Variants in CFAP221 observed in about 807,000 individuals in gnomAD.
CFAP221 encodes cilia and flagella associated protein 221.
Under a neutral mutation model 113.1 loss-of-function variants are expected in CFAP221, and 97 were observed. That is an observed-to-expected ratio of 0.86 (90% CI 0.73 to 1.02). The LOEUF (loss-of-function observed/expected upper bound fraction) is 1.02, where lower values mean the gene tolerates loss of function less well. Among genes scored for constraint, CFAP221 ranks in the 50% least tolerant of loss-of-function variants. CFAP221 has a pLI of 0.00. For synonymous variants in CFAP221, 331 were observed against 354.4 expected (o/e 0.93, Z 0.74); for missense variants, 1,025 against 1,013.4 (o/e 1.01, Z -0.16).
chr2:119,587,039 G>C (rs1683270403), intron 6 of CFAP221, 80 bp from the exon 7 acceptor site: 1 of 1,027,240 alleles, frequency 9.7e-7, no homozygotes, highest in Non-Finnish European at 1.4e-6. Flanking sequence ...TACGTAACTT[G>C]AGTCTCCATT....
At chr2:119,592,919 C>G (rs1045310517) in intron 7 of CFAP221, among the ~76,000 whole-genome samples, 8 of 152,212 alleles carry the variant, frequency 5.3e-5, no homozygotes, top group African/African-American at 1.9e-4. Flanking sequence ...TGAGGTTAAG[C>G]AGTTCACCAG....
At chr2:119,635,651 A>G (rs1687067709) in intron 19 of CFAP221, among the ~76,000 whole-genome samples, 1 of 152,244 alleles carries the variant, frequency 6.6e-6, no homozygotes, top group Non-Finnish European at 1.5e-5. Flanking sequence ...ATATCAAACT[A>G]TGTAATTTAA....
At chr2:119,562,632 A>G (rs1260599591) in intron 6 of CFAP221, among the ~76,000 whole-genome samples, 4 of 152,206 alleles carry the variant, frequency 2.6e-5, no homozygotes, top group Non-Finnish European at 5.9e-5. Flanking sequence ...GGCAAAGACA[A>G]CAGAATTTCA....
chr2:119,631,888 T>C (rs567130640), intron 19 of CFAP221, among the ~76,000 whole-genome samples: 5 of 152,344 alleles, frequency 3.3e-5, no homozygotes, highest in African/African-American at 1.2e-4. Flanking sequence ...AAAAACTTTA[T>C]GCCAGTAAAT....
chr2:119,593,867 CA>C (rs1051789500), intron 7 of CFAP221, among the ~76,000 whole-genome samples: 87 of 151,126 alleles, frequency 5.8e-4, no homozygotes, highest in Non-Finnish European at 1.0e-3. Flanking sequence ...ACAACAACAA[CA>C]AAAAAAACCC....
intron 5 of CFAP221, 34 bp downstream of exon 5, chr2:119,560,060 T>TC (rs1351757021): frequency 7.0e-7 from 1 of 1,421,640 alleles, no homozygotes; most frequent in Admixed American, 2.2e-5. Context: ...TTTTTTTTTT[T>TC]TTTTTGATGG....
chr2:119,624,757 A>G (rs1174711447), intron 14 of CFAP221, among the ~76,000 whole-genome samples: 1 of 152,172 alleles, frequency 6.6e-6, no homozygotes, highest in Non-Finnish European at 1.5e-5. Context: ...ATTCTTAGCA[A>G]ACTAACACAG....
At chr2:119,623,506 G>GA (rs1409700016) in intron 14 of CFAP221, among the ~76,000 whole-genome samples, 3 of 152,126 alleles carry the variant, frequency 2.0e-5, no homozygotes, top group South Asian at 2.1e-4. Context: ...CACAGAATTA[G>GA]AAAAAAACTA....
chr2:119,562,062 TC>T lies in CFAP221; in HGVS notation c.476del (p.Ser159TyrfsTer2), dbSNP rs746333241. 6.5e-7 allele frequency: 1 copy of T among 1,535,392 alleles called. No individual in the cohort carries two copies. On this transcript the variant is annotated frameshift_variant, in exon 6 of 24. Transcript: ENST00000413369. LOFTEE classifies it high-confidence loss of function. ...VPIHAYPVMN[S>X]LDFPSFINLS... Reference sequence around the variant, plus strand: ...TATTCATGCCTATCCAGTCATGAACTCACTAGACTTTCCTTCATTTATAAAT... The same window carrying T: ...TATTCATGCCTATCCAGTCATGAACTACTAGACTTTCCTTCATTTATAAAT...
rs2104542462 is a variant in CFAP221 at position 119,561,909 on chromosome 2, TA to T, written c.427-104del. The stretch of plus-strand genomic sequence containing the variant: ...TAAGCGCTGAAGTTTCTTAAGGAAA[TA>T]TTTTTTAACGATGGAAACAAGATAA... On this transcript the variant is annotated intron_variant, in intron 5 of 23. Coordinates refer to ENST00000413369, the MANE Select transcript of CFAP221 (RefSeq NM_001271049.2). 3.7e-6 allele frequency: 3 copies of T among 801,066 alleles called. No homozygotes were observed. The African/African-American group carries it at 5.3e-5, about 14-fold the overall frequency. 49.6% of individuals were successfully genotyped at this position (801,066 alleles called of 1,614,324 possible).
At chr2:119,558,764 G>A (rs1215385587) in intron 3 of CFAP221, among the ~76,000 whole-genome samples, 1 of 152,164 alleles carries the variant, frequency 6.6e-6, no homozygotes, top group African/African-American at 2.4e-5. Context: ...CGAGGCTTCA[G>A]TGAGCTATGA....
At chr2:119,611,780 C>T in intron 13 of CFAP221, 38 bp downstream of exon 13, 6 of 1,479,396 alleles carry the variant, frequency 4.1e-6, no homozygotes, top group Non-Finnish European at 5.6e-6. Flanking sequence ...TGATTATTGG[C>T]AGCTCTTTAA....
chr2:119,548,345 C>T (rs986585529), intron 2 of CFAP221, among the ~76,000 whole-genome samples: 6 of 152,256 alleles, frequency 3.9e-5, no homozygotes, highest in African/African-American at 1.2e-4. Flanking sequence ...AGAAATAATA[C>T]CTACCTCAAA....
At chr2:119,635,174 T>C (rs1459986120) in intron 19 of CFAP221, among the ~76,000 whole-genome samples, 4 of 152,208 alleles carry the variant, frequency 2.6e-5, no homozygotes, top group Non-Finnish European at 5.9e-5. Context: ...ATCTCTCTGT[T>C]AGAACACCTA....
chr2:119,587,230 G>A lies in CFAP221; in HGVS notation c.631+8G>A. On this transcript the variant is annotated splice_region_variant and intron_variant, in intron 7 of 23. Coordinates refer to ENST00000413369, the MANE Select transcript of CFAP221 (RefSeq NM_001271049.2). Reference sequence around the variant, plus strand: ...CTATTGAGCCAACATCAGGTAAGGAGTGTCAAGATTTCAAGTTCTAAAAAC... The same window carrying A: ...CTATTGAGCCAACATCAGGTAAGGAATGTCAAGATTTCAAGTTCTAAAAAC... 1 of 1,482,458 alleles carries A rather than the reference G, an allele frequency of 6.7e-7. No individual in the cohort carries two copies. The highest frequency in any genetic ancestry group is 9.0e-7 in the Non-Finnish European group (1 of 1,116,042). The allele number at this position is 1,482,458 out of a possible 1,614,324, so 91.8% of individuals were successfully genotyped here.
chr2:119,615,662 C>A lies in CFAP221; in HGVS notation c.1363C>A (p.Leu455Ile), dbSNP rs1685471458. Residue 455 changes from leucine to isoleucine, a missense_variant, in exon 14 of 24, where the codon CTC (leucine) becomes ATC (isoleucine). Physicochemically the swap from Leu to Ile is conservative, Grantham distance 5. Coordinates refer to ENST00000413369, the MANE Select transcript of CFAP221 (RefSeq NM_001271049.2). Reference protein sequence around the residue: ...TFDPLINNTWLSRSRAQKRFQ... With the variant: ...TFDPLINNTWISRSRAQKRFQ... ...TGATCCACTCATTAATAACACTTGG[C>A]TCAGCAGGTCCAGGGCACAAAAACG... 1 of 1,612,998 alleles carries A rather than the reference C, an allele frequency of 6.2e-7. No individual in the cohort carries two copies. The highest frequency in any genetic ancestry group is 8.5e-7 in the Non-Finnish European group (1 of 1,179,592).
In CFAP221 at chr2:119,562,290, G is replaced by A. The variant is rs145067020; in HGVS notation, c.527+176G>A. The stretch of plus-strand genomic sequence containing the variant: ...AAGCAAAAGCAAAAACCAAACATGC[G>A]TCAAAAGATCATAAGCAAGAAAGGG... On this transcript the variant is annotated intron_variant, in intron 6 of 23. Transcript: ENST00000413369. 2.7e-3 allele frequency among the ~76,000 whole-genome samples: 402 copies of A among 146,242 alleles called. 2 individuals carry two copies. The highest frequency in any genetic ancestry group is 9.0e-3 in the African/African-American group (354 of 39,490).
At chr2:119,596,347 C>T (rs937606251) in intron 7 of CFAP221, among the ~76,000 whole-genome samples, 5 of 152,192 alleles carry the variant, frequency 3.3e-5, no homozygotes, top group Non-Finnish European at 7.3e-5. Flanking sequence ...CCCCTCCAGT[C>T]GCCCTGCCCT....
At chr2:119,631,431 T>G (rs1267967085) in intron 19 of CFAP221, among the ~76,000 whole-genome samples, 1 of 152,154 alleles carries the variant, frequency 6.6e-6, no homozygotes, top group Non-Finnish European at 1.5e-5. Flanking sequence ...CCCAACACTT[T>G]AGGAAGCCAA....
Sources: allele counts gnomAD v4.1 joint callset (sites outside exome capture counted in the v4.1 genomes callset), GRCh38; gene constraint gnomAD v4.1.1; transcripts MANE v1.5; gene names NCBI Gene and HGNC (gene_info 2026-07-23, HGNC 2026-07-21).